Variants in SYT10 observed in about 807,000 individuals in gnomAD.
SYT10 encodes the protein synaptotagmin 10.
Under a neutral mutation model 51.1 loss-of-function variants are expected in SYT10, and 31 were observed. The ratio of observed to expected loss-of-function variants is 0.61; its 90% confidence interval spans 0.46 to 0.82. SYT10 has a LOEUF of 0.82. Among genes scored for constraint, SYT10 ranks in the 40% least tolerant of loss-of-function variants. The pLI is 0.00. For synonymous variants in SYT10, 233 were observed against 225.9 expected (o/e 1.03, Z -0.28); for missense variants, 603 against 634.0 (o/e 0.95, Z 0.53).
chr12:33,435,667 TA>T (rs1866632609), intron 1 of SYT10, among the ~76,000 whole-genome samples: 1 of 152,208 alleles, frequency 6.6e-6, no homozygotes, highest in Non-Finnish European at 1.5e-5. Flanking sequence ...TTATGGTGAT[TA>T]AAAAATGATA....
At chr12:33,386,931 T>C (rs1197889940) in intron 3 of SYT10, among the ~76,000 whole-genome samples, 3 of 152,230 alleles carry the variant, frequency 2.0e-5, no homozygotes, top group African/African-American at 7.2e-5. Flanking sequence ...TATAGATTTA[T>C]ATGTGGTCTT....
chr12:33,387,519 G>A (rs1866167014), intron 3 of SYT10, among the ~76,000 whole-genome samples: 2 of 152,136 alleles, frequency 1.3e-5, no homozygotes, highest in African/African-American at 2.4e-5. Context: ...CATTCAGTAA[G>A]TACTGGATAA....
chr12:33,414,584 G>T (rs1866437244), intron 2 of SYT10, among the ~76,000 whole-genome samples: 1 of 152,116 alleles, frequency 6.6e-6, no homozygotes, highest in Non-Finnish European at 1.5e-5. Flanking sequence ...TGACTACTGG[G>T]TGCATAATGA....
chr12:33,404,757 C>G (rs1436867027), intron 3 of SYT10: 1 of 152,036 alleles, frequency 6.6e-6, no homozygotes, highest in African/African-American at 2.4e-5. Flanking sequence ...TAATTTCTAA[C>G]CAAACTGTAT....
rs137946824 is a variant in SYT10, at chr12:33,420,492, AT to A, written c.509+5645del. Among the ~76,000 whole-genome samples the A allele has an allele frequency of 0.05, 7,542 of 151,636 alleles. 1,324 individuals are homozygous for A. The East Asian group carries it at 0.63, about 13-fold the overall frequency. On this transcript the variant is annotated intron_variant, in intron 2 of 6. Coordinates refer to ENST00000228567, the MANE Select transcript of SYT10 (RefSeq NM_198992.4). The stretch of plus-strand genomic sequence containing the variant: ...TGAGACCTCATCTCTAGAAAAAAAA[AT>A]AAAAAATAATTAGCTGGGCCTGGTG...
intron 2 of SYT10, among the ~76,000 whole-genome samples, chr12:33,421,321 C>T (rs1251461624): frequency 1.3e-5 from 2 of 152,110 alleles, no homozygotes; most frequent in Non-Finnish European, 2.9e-5. Flanking sequence ...ATTTGTTCTG[C>T]TATTACAGTT....
chr12:33,424,275 C>G (rs1234285992), intron 2 of SYT10, among the ~76,000 whole-genome samples: 1 of 152,090 alleles, frequency 6.6e-6, no homozygotes, highest in Non-Finnish European at 1.5e-5. Flanking sequence ...TAAGTGGTCT[C>G]TATACTCAAC....
At chr12:33,395,446 T>G (rs1274383453) in intron 3 of SYT10, among the ~76,000 whole-genome samples, 1 of 152,334 alleles carries the variant, frequency 6.6e-6, no homozygotes, top group African/African-American at 2.4e-5. Context: ...ACTAAATTCC[T>G]AGAACTTACA....
intron 6 of SYT10, 73 bp downstream of exon 6, chr12:33,379,759 A>G: frequency 5.1e-6 from 8 of 1,561,308 alleles, no homozygotes; most frequent in Non-Finnish European, 7.0e-6. Flanking sequence ...TATCAGATAA[A>G]GGTTAGCAAA....
At chr12:33,423,382 A>G (rs1866522929) in intron 2 of SYT10, among the ~76,000 whole-genome samples, 1 of 151,932 alleles carries the variant, frequency 6.6e-6, no homozygotes, top group Non-Finnish European at 1.5e-5. Context: ...TGATTTTGCT[A>G]CATCTCAGTG....
intron 3 of SYT10, among the ~76,000 whole-genome samples, chr12:33,386,962 A>T (rs1866161838): frequency 6.6e-6 from 1 of 152,230 alleles, no homozygotes; most frequent in South Asian, 2.1e-4. Context: ...GATGGTGGAC[A>T]AATGAAAATG....
Position 33,409,138 on chromosome 12 carries a change from GGTCTACACCT to G in SYT10, c.510-1792_510-1783del, listed in dbSNP as rs549059033. Among the ~76,000 whole-genome samples, 8 of 152,124 alleles carry G rather than the reference GGTCTACACCT, an allele frequency of 5.3e-5. 1 individual carries two copies. Among genetic ancestry groups the G allele is most frequent in the African/African-American group, 1.9e-4 (8 of 41,502 alleles). On this transcript the variant is annotated intron_variant, in intron 2 of 6. Transcript: ENST00000228567. ...TTCACTTCTGTTGTCTATTGCAGCA[GGTCTACACCT>G]GTTACAGCACTAAGTAATATAGATG...
At chr12:33,438,229 T>C (rs1321599959) in intron 1 of SYT10, among the ~76,000 whole-genome samples, 2 of 152,180 alleles carry the variant, frequency 1.3e-5, no homozygotes, top group African/African-American at 4.8e-5. Flanking sequence ...CCAGCTCTTG[T>C]TGCCCTGACT....
At chr12:33,390,759 A>T (rs911492250) in intron 3 of SYT10, among the ~76,000 whole-genome samples, 2 of 152,006 alleles carry the variant, frequency 1.3e-5, no homozygotes, top group Non-Finnish European at 2.9e-5. Flanking sequence ...AATGCCAAGC[A>T]CTCTTCTAGT....
chr12:33,420,474 T>C (rs555437328), intron 2 of SYT10, among the ~76,000 whole-genome samples: 42 of 150,854 alleles, frequency 2.8e-4, no homozygotes, highest in Non-Finnish European at 5.3e-4. Flanking sequence ...CTTTGAGACC[T>C]CATCTCTAGA....
chr12:33,439,673 A>G lies in SYT10; in HGVS notation c.-151T>C. 2.1e-6 allele frequency: 2 copies of G among 946,046 alleles called. No homozygotes were observed. Among genetic ancestry groups the G allele is most frequent in the Non-Finnish European group, 3.1e-6 (2 of 651,964 alleles). The allele number at this position is 946,046 out of a possible 1,614,324, so 58.6% of individuals were successfully genotyped here. ...CCGCTGAGAGCCGGCAACTCTTAGG[A>G]GCCCCACGTTGGCCCCATGGCGGGA... On this transcript the variant is annotated 5_prime_UTR_variant, in exon 1 of 7. Transcript: ENST00000228567.
At chr12:33,421,825 A>C (rs1866507573) in intron 2 of SYT10, among the ~76,000 whole-genome samples, 1 of 152,100 alleles carries the variant, frequency 6.6e-6, no homozygotes, top group Non-Finnish European at 1.5e-5. Flanking sequence ...TCTCAGATGC[A>C]TTTTTCTTAA....
intron 3 of SYT10, among the ~76,000 whole-genome samples, chr12:33,404,029 T>C (rs1287863481): frequency 3.3e-5 from 5 of 152,238 alleles, no homozygotes; most frequent in African/African-American, 1.2e-4. Flanking sequence ...AAGAATACAT[T>C]TTATTTTCTG....
Position 33,406,838 on chromosome 12 carries a change from T to A in SYT10, c.1028A>T (p.Asp343Val), listed in dbSNP as rs770010023. 3.1e-6 allele frequency: 5 copies of A among 1,613,874 alleles called. 1 individual carries two copies. In the Middle Eastern group the frequency reaches 6.6e-4, roughly 213 times the overall value. The change falls in exon 3 of 7, where the codon GAT becomes GTT. Residue 343 changes from aspartate to valine, a missense_variant. Coordinates refer to ENST00000228567, the MANE Select transcript of SYT10 (RefSeq NM_198992.4). ...VILDNLFEVS[D>V]LSREATVWKD... is the part of the protein sequence containing the mutation. ...CCATACTGTGGCTTCCCTGGAGAGA[T>A]CAGAGACTTCAAACAAATTATCAAG...
Sources: gnomAD v4.1 joint callset for allele counts (sites outside exome capture counted in the v4.1 genomes callset) on GRCh38, gnomAD v4.1.1 for gene constraint, MANE v1.5 for transcripts, NCBI Gene and HGNC (gene_info 2026-07-23, HGNC 2026-07-21) for gene names.